The following ZNF385D variants were observed in gnomAD, a reference collection of about 807,000 sequenced individuals.
ZNF385D encodes zinc finger protein 659.
ZNF385D carries 15 observed loss-of-function variants against 35.8 expected under a neutral mutation model. The observed-to-expected ratio is 0.42, with a 90% CI of 0.28 to 0.64. The LOEUF (loss-of-function observed/expected upper bound fraction) is 0.64. ZNF385D is among the 30% of genes least tolerant of loss of function. ZNF385D has a pLI of 0.23. For missense variants in ZNF385D, 474 were observed against 494.6 expected, an observed-to-expected ratio of 0.96 and a Z score of 0.39; for synonymous variants, 212 against 186.8, an observed-to-expected ratio of 1.13 and a Z score of -1.10.
At chr3:21,964,790 C>A (rs1233859320) in intron 3 of ZNF385D, among the ~76,000 whole-genome samples, 1 of 142,926 alleles carries the variant, frequency 7.0e-6, no homozygotes, top group Non-Finnish European at 1.5e-5. Context: ...CTGCGCCCAG[C>A]CTAATTTCAC....
intron 3 of ZNF385D, among the ~76,000 whole-genome samples, chr3:21,973,622 A>C (rs190137658): frequency 4.7e-4 from 71 of 151,974 alleles, no homozygotes; most frequent in African/African-American, 1.7e-3. Context: ...AAGGAAAAGG[A>C]AAGAAGTAAA....
intron 3 of ZNF385D, among the ~76,000 whole-genome samples, chr3:21,532,515 A>AT (rs1307652565): frequency 2.0e-5 from 3 of 152,114 alleles, no homozygotes; most frequent in African/African-American, 7.2e-5. Flanking sequence ...AGAATGGAAC[A>AT]TTTTAGTTTC....
At chr3:21,666,351 T>C (rs2125266977) in intron 1 of ZNF385D, among the ~76,000 whole-genome samples, 1 of 152,278 alleles carries the variant, frequency 6.6e-6, no homozygotes, top group South Asian at 2.1e-4. Context: ...ACAAGAACCA[T>C]CAGCTCTCCT....
chr3:21,998,237 C>G (rs945984758), intron 3 of ZNF385D, among the ~76,000 whole-genome samples: 2 of 152,080 alleles, frequency 1.3e-5, no homozygotes, highest in African/African-American at 4.8e-5. Context: ...AGGCAGCAAT[C>G]CATGAGTGCT....
At chr3:21,627,319 ATGCTAT>A (rs1299325216) in intron 2 of ZNF385D, among the ~76,000 whole-genome samples, 2 of 149,950 alleles carry the variant, frequency 1.3e-5, no homozygotes, top group Non-Finnish European at 3.0e-5. Context: ...GTCAACCACT[ATGCTAT>A]GGGACAACTA....
intron 2 of ZNF385D, among the ~76,000 whole-genome samples, chr3:22,264,179 G>T (rs549922756): frequency 6.6e-6 from 1 of 152,066 alleles, no homozygotes; most frequent in South Asian, 2.1e-4. Context: ...TTTGGACTAG[G>T]TCTTGGCAGA....
chr3:21,939,805 G>A (rs1701428937), intron 3 of ZNF385D, among the ~76,000 whole-genome samples: 1 of 152,144 alleles, frequency 6.6e-6, no homozygotes, highest in African/African-American at 2.4e-5. Flanking sequence ...GGAATGGAAA[G>A]CTTTTCTATC....
In ZNF385D at chr3:22,322,737, C is replaced by A. The variant is rs181701865; in HGVS notation, c.106+49713G>T. On this transcript the variant is annotated intron_variant, in intron 2 of 5. Transcript: ENST00000494108. ...ATAAATATTTTCCCACATGCTATTC[C>A]TCTGTATGTTTCTACCTTTCATTTC... 1.2e-3 allele frequency among the ~76,000 whole-genome samples: 186 copies of A among 152,320 alleles called. 1 individual carries two copies. Among genetic ancestry groups the A allele is most frequent in the African/African-American group, 4.4e-3 (183 of 41,564 alleles).
chr3:21,494,546 C>G (rs578101311), intron 4 of ZNF385D, among the ~76,000 whole-genome samples: 1 of 152,056 alleles, frequency 6.6e-6, no homozygotes, highest in African/African-American at 2.4e-5. Context: ...GCAAAGGCCC[C>G]GGGAGGAATC....
intron 2 of ZNF385D, among the ~76,000 whole-genome samples, chr3:21,631,829 A>G (rs2065289803): frequency 6.6e-6 from 1 of 152,164 alleles, no homozygotes; most frequent in Non-Finnish European, 1.5e-5. Context: ...AGCTCACCAG[A>G]ACATTTTAGG....
intron 3 of ZNF385D, among the ~76,000 whole-genome samples, chr3:21,970,256 G>C (rs1306626815): frequency 6.6e-6 from 1 of 152,132 alleles, no homozygotes; most frequent in African/African-American, 2.4e-5. Flanking sequence ...CAGAGACACA[G>C]AGATATGTGA....
chr3:22,141,543 G>A (rs1704503548), intron 3 of ZNF385D, among the ~76,000 whole-genome samples: 1 of 152,116 alleles, frequency 6.6e-6, no homozygotes, highest in Non-Finnish European at 1.5e-5. Flanking sequence ...CACCAATGGA[G>A]GAAAAGACCA....
intron 3 of ZNF385D, among the ~76,000 whole-genome samples, chr3:22,167,974 TCTC>T (rs1559423283): frequency 1.3e-5 from 2 of 152,224 alleles, no homozygotes; most frequent in African/African-American, 2.4e-5. Flanking sequence ...TTATTTTTCT[TCTC>T]ATCATTTGGC....
At chr3:21,981,344 C>T (rs749821227) in intron 3 of ZNF385D, among the ~76,000 whole-genome samples, 1 of 151,954 alleles carries the variant, frequency 6.6e-6, no homozygotes, top group South Asian at 2.1e-4. Flanking sequence ...TTTCAATATG[C>T]TTGGATGGCT....
At chr3:21,816,218 A>G (rs2125719646) in intron 3 of ZNF385D, among the ~76,000 whole-genome samples, 1 of 152,350 alleles carries the variant, frequency 6.6e-6, no homozygotes, top group Non-Finnish European at 1.5e-5. Flanking sequence ...TCCACAGCCA[A>G]TATCATACCG....
In ZNF385D at chr3:21,471,273, TTTCTCTCTCTCTCTCTCTCTCTCACA is replaced by T. The variant is rs1388362729; in HGVS notation, c.440-34096_440-34071del. On this transcript the variant is annotated intron_variant, in intron 4 of 7. Transcript: ENST00000281523. ...CTCCCTTTCTCTCTCTCTCTCTCTC[TTTCTCTCTCTCTCTCTCTCTCTCACA>T]CACACACACACACACACACACACAC... Among the ~76,000 whole-genome samples, 608 of 88,500 alleles carry T rather than the reference TTTCTCTCTCTCTCTCTCTCTCTCACA, an allele frequency of 6.9e-3. 2 individuals carry two copies. Among genetic ancestry groups the T allele is most frequent in the Middle Eastern group, 0.016 (3 of 190 alleles). 58.1% of individuals were successfully genotyped at this position (88,500 alleles called of 152,430 possible).
At chr3:21,753,012 A>G (rs1335297204), upstream of ZNF385D, among the ~76,000 whole-genome samples, 1 of 152,168 alleles carries the variant, frequency 6.6e-6, no homozygotes, top group Non-Finnish European at 1.5e-5. Context: ...TGTAGTTGGA[A>G]GATGCAAGCA....
At chr3:22,010,732 C>T (rs1028641908) in intron 3 of ZNF385D, among the ~76,000 whole-genome samples, 2 of 152,128 alleles carry the variant, frequency 1.3e-5, no homozygotes, top group African/African-American at 4.8e-5. Context: ...TGAACTTTTT[C>T]CAGATGTATC....
intron 4 of ZNF385D, among the ~76,000 whole-genome samples, chr3:21,467,446 G>A (rs1338864081): frequency 6.6e-6 from 1 of 152,054 alleles, no homozygotes; most frequent in African/African-American, 2.4e-5. Flanking sequence ...ATAGTTTTTG[G>A]GGGGAACAAA....
Sources: gnomAD v4.1 joint callset for allele counts (sites outside exome capture counted in the v4.1 genomes callset) on GRCh38, gnomAD v4.1.1 for gene constraint, MANE v1.5 for transcripts, NCBI Gene and HGNC (gene_info 2026-07-23, HGNC 2026-07-21) for gene names.